MBD5: variants seen among roughly 807,000 people sequenced by gnomAD.
MBD5 encodes the protein methyl-CpG binding domain protein 5.
In MBD5, 13 loss-of-function variants were observed where a neutral mutation model predicts 117.3. That is an observed-to-expected ratio of 0.11 (90% CI 0.07 to 0.18). The LOEUF (loss-of-function observed/expected upper bound fraction) is 0.18. Ranked by LOEUF, MBD5 falls within the 10% of genes least tolerant of loss-of-function variation. The pLI, the probability that MBD5 is intolerant of heterozygous loss-of-function variation, is 1.00. For synonymous variants in MBD5, 727 were observed against 766.4 expected (o/e 0.95, Z 0.85); for missense variants, 1,879 against 2,093.8 (o/e 0.90, Z 2.00).
At chr2:148,248,675 A>G (rs1400481802) in intron 3 of MBD5, among the ~76,000 whole-genome samples, 4 of 152,106 alleles carry the variant, frequency 2.6e-5, no homozygotes, top group Admixed American at 2.6e-4. Context: ...GAGATTAAAG[A>G]TAATGATATG....
intron 2 of MBD5, among the ~76,000 whole-genome samples, chr2:148,222,736 C>G (rs187462387): frequency 6.6e-6 from 1 of 152,128 alleles, no homozygotes; most frequent in East Asian, 1.9e-4. Flanking sequence ...AATTTGACTT[C>G]TTTCCTTCCA....
intron 1 of MBD5, among the ~76,000 whole-genome samples, chr2:148,021,996 G>A (rs543818196): frequency 1.3e-5 from 2 of 152,182 alleles, no homozygotes; most frequent in Non-Finnish European, 2.9e-5. Flanking sequence ...CCAATGAGGC[G>A]CCAGGGAAAG....
intron 1 of MBD5, among the ~76,000 whole-genome samples, chr2:148,119,568 A>C (rs1574034259): frequency 6.6e-6 from 1 of 152,180 alleles, no homozygotes; most frequent in East Asian, 1.9e-4. Flanking sequence ...ATACCTAAAG[A>C]GTTCTTTGCC....
At chr2:148,072,462 A>G (rs1046069527) in intron 1 of MBD5, among the ~76,000 whole-genome samples, 6 of 152,210 alleles carry the variant, frequency 3.9e-5, no homozygotes, top group Admixed American at 6.5e-5. Flanking sequence ...CTCTATGTAT[A>G]TAAGTTATAT....
At chr2:148,031,233 G>A (rs1390462702) in intron 1 of MBD5, among the ~76,000 whole-genome samples, 1 of 152,098 alleles carries the variant, frequency 6.6e-6, no homozygotes, top group African/African-American at 2.4e-5. Flanking sequence ...AAAACAGAAG[G>A]TTTGAAGACT....
At chr2:148,177,231 A>G (rs1698413166) in intron 1 of MBD5, among the ~76,000 whole-genome samples, 1 of 152,224 alleles carries the variant, frequency 6.6e-6, no homozygotes, top group South Asian at 2.1e-4. Context: ...GAGTCTAGTA[A>G]TAGTCAGTGT....
At chr2:148,035,628 C>T (rs543544444) in intron 1 of MBD5, among the ~76,000 whole-genome samples, 4 of 152,234 alleles carry the variant, frequency 2.6e-5, no homozygotes, top group Admixed American at 2.6e-4. Flanking sequence ...ATTAAGTGAA[C>T]AAATATGTAA....
chr2:148,394,677 AT>A (rs1464171903), intron 4 of MBD5, among the ~76,000 whole-genome samples: 3 of 145,018 alleles, frequency 2.1e-5, no homozygotes, highest in Non-Finnish European at 3.0e-5. Context: ...TTGATTTGCT[AT>A]TTTTTCTTGT....
intron 4 of MBD5, among the ~76,000 whole-genome samples, chr2:148,385,185 A>T (rs1704309547): frequency 6.6e-6 from 1 of 152,210 alleles, no homozygotes; most frequent in South Asian, 2.1e-4. Context: ...CAACCTACAG[A>T]ATGGGAGAAA....
chr2:148,051,604 A>AGTTGTGT, intron 1 of MBD5, among the ~76,000 whole-genome samples: 2 of 139,236 alleles, frequency 1.4e-5, no homozygotes, highest in South Asian at 4.8e-4. Context: ...CTGTTTGTTG[A>AGTTGTGT]GTGTGTGTGT....
At chr2:148,155,970 C>G (rs1263500871) in intron 1 of MBD5, among the ~76,000 whole-genome samples, 1 of 152,194 alleles carries the variant, frequency 6.6e-6, no homozygotes, top group Non-Finnish European at 1.5e-5. Flanking sequence ...AAAAGAAACA[C>G]TGTCCAAACG....
chr2:148,294,502 T>TTTTTTTTTTTTTGTTTTTTTTTTTTTTG (rs1559009495), intron 3 of MBD5, among the ~76,000 whole-genome samples: 2 of 13,536 alleles, frequency 1.5e-4, no homozygotes, highest in South Asian at 6.0e-3. Flanking sequence ...GGGATTACAG[T>TTTTTTTTTTTTTGTTTTTTTTTTTTTTG]TTTTTTTTTT....
At chr2:148,406,049 G>A (rs1262993399) in intron 4 of MBD5, among the ~76,000 whole-genome samples, 3 of 152,008 alleles carry the variant, frequency 2.0e-5, no homozygotes, top group Non-Finnish European at 2.9e-5. Flanking sequence ...ATAAAAATTA[G>A]CCAGGAGTGG....
chr2:148,201,222 C>T (rs892548277), intron 2 of MBD5, among the ~76,000 whole-genome samples: 4 of 152,188 alleles, frequency 2.6e-5, no homozygotes, highest in Non-Finnish European at 4.4e-5. Flanking sequence ...GATGTGTGTG[C>T]CAGTGAATGC....
At chr2:148,280,208 A>G (rs115581000) in intron 3 of MBD5, among the ~76,000 whole-genome samples, 1 of 151,452 alleles carries the variant, frequency 6.6e-6, no homozygotes. Context: ...TGTGGACTAT[A>G]TTATTTTTCT....
chr2:148,432,724 A>G (rs974204407), intron 4 of MBD5, among the ~76,000 whole-genome samples: 2 of 152,020 alleles, frequency 1.3e-5, no homozygotes, highest in African/African-American at 4.8e-5. Context: ...CCATTGGTCT[A>G]TGTGTCTGTC....
intron 3 of MBD5, among the ~76,000 whole-genome samples, chr2:148,241,298 A>G (rs1700211550): frequency 6.6e-6 from 1 of 151,990 alleles, no homozygotes; most frequent in African/African-American, 2.4e-5. Flanking sequence ...TTTGTTCTTA[A>G]TCCTTAGGTG....
At chr2:148,488,652 G>A (rs1236687879) in intron 10 of MBD5, among the ~76,000 whole-genome samples, 5 of 119,102 alleles carry the variant, frequency 4.2e-5, no homozygotes, top group African/African-American at 3.2e-5. Flanking sequence ...AGATGGTGCG[G>A]GGGTGGGGGG....
intron 2 of MBD5, among the ~76,000 whole-genome samples, chr2:148,179,228 G>A (rs572000056): frequency 5.3e-5 from 8 of 151,912 alleles, no homozygotes; most frequent in Middle Eastern, 3.4e-3. Flanking sequence ...GGTGGCAGGC[G>A]CGTGTAGTCC....
Sources: gnomAD v4.1 joint callset for allele counts (sites outside exome capture counted in the v4.1 genomes callset) on GRCh38, gnomAD v4.1.1 for gene constraint, MANE v1.5 for transcripts, NCBI Gene and HGNC (gene_info 2026-07-23, HGNC 2026-07-21) for gene names.